Variants in ZNF776 observed in about 807,000 individuals in gnomAD.
ZNF776 encodes the protein zinc finger protein 776.
A neutral mutation model predicts 7.0 loss-of-function variants in ZNF776; 4 were observed. That is an observed-to-expected ratio of 0.57 (90% CI 0.28 to 1.31). The LOEUF (loss-of-function observed/expected upper bound fraction) is 1.31. Among genes scored for constraint, ZNF776 ranks in the 50% most tolerant of loss-of-function variants. The probability of loss-of-function intolerance (pLI) is 0.10; values close to 1 mark genes in which losing one functional copy is unlikely to be tolerated. For synonymous variants in ZNF776, 212 were observed against 213.7 expected (o/e 0.99, Z 0.07); for missense variants, 555 against 625.9 (o/e 0.89, Z 1.21).
chr19:57,753,778 G>GT lies in ZNF776; in HGVS notation c.651dup (p.Ser218Ter). ...ACATCTGTGGAGAGTCCACAATACC[G>GT]TTTAGCAACAAACACTCACTTGTCC... On this transcript the variant is annotated frameshift_variant, in exon 3 of 3. Transcript: ENST00000317178. LOFTEE classifies it low-confidence loss of function (END_TRUNC). 1.2e-6 allele frequency: 2 copies of GT among 1,614,202 alleles called. No individual in the cohort carries two copies. Among genetic ancestry groups the GT allele is most frequent in the Non-Finnish European group, 1.7e-6 (2 of 1,180,052 alleles).
intron 2 of ZNF776, among the ~76,000 whole-genome samples, chr19:57,752,317 G>C (rs1986633077): frequency 6.6e-6 from 1 of 152,148 alleles, no homozygotes; most frequent in Non-Finnish European, 1.5e-5. Context: ...AATTATCTTT[G>C]TAGTATTTAG....
intron 1 of ZNF776, among the ~76,000 whole-genome samples, chr19:57,750,324 C>G (rs1019236682): frequency 6.6e-6 from 1 of 150,956 alleles, no homozygotes; most frequent in Middle Eastern, 3.4e-3. Flanking sequence ...CCCATCTACT[C>G]GGGAGGCTAA....
chr19:57,753,644 G>C lies in ZNF776; in HGVS notation c.514G>C (p.Asp172His). 6.2e-7 allele frequency: 1 copy of C among 1,614,086 alleles called. No homozygotes were observed. Among genetic ancestry groups the C allele is most frequent in the African/African-American group, 1.3e-5 (1 of 75,054 alleles). ...ATTTATCTTTCATGAGGTTGGGAAA[G>C]ACTTTTTGTCCAGCTTGAGATTACT... is the stretch of plus-strand genomic sequence containing the variant. ...EPFIFHEVGK[D>H]FLSSLRLLQQ... is the part of the protein sequence containing the mutation. Residue 172 changes from aspartate (D) to histidine (H), a missense_variant, in exon 3 of 3, where the codon GAC becomes CAC. Physicochemically the swap from Asp to His is moderately conservative, Grantham distance 81. Coordinates refer to ENST00000317178, the MANE Select transcript of ZNF776 (RefSeq NM_173632.4).
At chr19:57,748,073 T>G (rs1414610384) in intron 1 of ZNF776, among the ~76,000 whole-genome samples, 1 of 152,064 alleles carries the variant, frequency 6.6e-6, no homozygotes, top group Non-Finnish European at 1.5e-5. Context: ...CTGGCTGTAG[T>G]CTCCTCTGGC....
At position 57,754,523 on chromosome 19, in the gene ZNF776, T is replaced by G; in HGVS notation, c.1393T>G (p.Cys465Gly). The G allele has an allele frequency of 1.2e-6, 2 of 1,614,142 alleles. No homozygotes were observed. The highest frequency in any genetic ancestry group is 1.7e-6 in the Non-Finnish European group (2 of 1,180,042). Reference protein sequence around the residue: ...SGERPHECGECGKCFHQKGSL... With the variant: ...SGERPHECGEGGKCFHQKGSL... ...AGAAAGGCCACATGAGTGTGGAGAA[T>G]GTGGGAAATGTTTTCATCAAAAGGG... is the stretch of plus-strand genomic sequence containing the variant. The change falls in exon 3 of 3, where the codon TGT (cysteine) becomes GGT (glycine). Residue 465 changes from cysteine (C) to glycine (G), a missense_variant. By Grantham distance (159) the Cys-to-Gly change is radical (BLOSUM62 -3). Transcript: ENST00000317178.
chr19:57,747,568 G>T (rs1465997025), intron 1 of ZNF776, among the ~76,000 whole-genome samples: 1 of 152,124 alleles, frequency 6.6e-6, no homozygotes, highest in Non-Finnish European at 1.5e-5. Flanking sequence ...AGATCAGATA[G>T]GTGCTAAGAG....
In ZNF776 at chr19:57,754,779, A is replaced by C; in HGVS notation, c.*92A>C. ...CACTTATGAGTATGGAGAATGTGCA[A>C]AATCATCTAGCCAAAAGGTTGGCCT... On this transcript the variant is annotated 3_prime_UTR_variant, in exon 3 of 3. Coordinates refer to ENST00000317178, the MANE Select transcript of ZNF776 (RefSeq NM_173632.4). 7.4e-7 allele frequency: 1 copy of C among 1,345,360 alleles called. No homozygotes were observed. The highest frequency in any genetic ancestry group is 2.3e-5 in the East Asian group (1 of 42,702). The allele number at this position is 1,345,360 out of a possible 1,614,324, so 83.3% of individuals were successfully genotyped here.
Position 57,753,926 on chromosome 19 carries a change from T to C in ZNF776, c.796T>C (p.Cys266Arg). 1.2e-6 allele frequency: 2 copies of C among 1,614,232 alleles called. No homozygotes were observed. The highest frequency in any genetic ancestry group is 1.7e-6 in the Non-Finnish European group (2 of 1,180,044). ...GVRTGKRPYQ[C>R]GQCDESFWYK... is the part of the protein sequence containing the mutation. ...TCGCACTGGAAAAAGACCTTATCAG[T>C]GTGGACAATGTGATGAATCATTTTG... Residue 266 changes from cysteine to arginine, a missense_variant, in exon 3 of 3, where the codon TGT becomes CGT. Physicochemically the swap from Cys to Arg is radical, Grantham distance 180. Coordinates refer to ENST00000317178, the MANE Select transcript of ZNF776 (RefSeq NM_173632.4).
Position 57,753,991 on chromosome 19 carries a change from T to A in ZNF776, c.861T>A (p.Thr287=). The A allele has an allele frequency of 6.2e-7, 1 of 1,614,246 alleles. No homozygotes were observed. Among genetic ancestry groups the A allele is most frequent in the South Asian group, 1.1e-5 (1 of 91,086 alleles). ...AHLTEHQRVH[T]GERPYECGEC... is the part of the protein sequence containing the mutation. ...TCACTGAACACCAGAGAGTTCACAC[T>A]GGAGAAAGACCTTATGAGTGTGGAG... The change falls in exon 3 of 3, where the codon ACT becomes ACA. Residue 287 remains threonine, a synonymous_variant. Transcript: ENST00000317178.
Position 57,754,582 on chromosome 19 carries a change from A to G in ZNF776, c.1452A>G (p.Gly484=). Reference sequence around the variant, plus strand: ...TTCGACATCAGCAGATTCACTCTGGAGAAAGGCCACATGAGTGTGGAGAAT... The same window carrying G: ...TTCGACATCAGCAGATTCACTCTGGGGAAAGGCCACATGAGTGTGGAGAAT... ...SLIRHQQIHS[G]ERPHECGECG... is the part of the protein sequence containing the mutation. Residue 484 remains glycine (G), a synonymous_variant, in exon 3 of 3, where the codon GGA becomes GGG. Coordinates refer to ENST00000317178, the MANE Select transcript of ZNF776 (RefSeq NM_173632.4). 3 of 1,614,252 alleles carry G rather than the reference A, an allele frequency of 1.9e-6. No homozygotes were observed. Among genetic ancestry groups the G allele is most frequent in the East Asian group, 2.2e-5 (1 of 44,890 alleles).
In ZNF776 at chr19:57,746,901, G is replaced by A; in HGVS notation, c.-158G>A. ...GTGTAGAAGTGACTGAACCCAGAAG[G>A]TGGAGACGAGACGTTGTCCCGACTG... On this transcript the variant is annotated 5_prime_UTR_variant, in exon 1 of 3. In the 5' UTR this introduces an upstream ATG that the reference lacks. Transcript: ENST00000317178. The A allele has an allele frequency of 1.5e-6, 1 of 646,902 alleles. No homozygotes were observed. Among genetic ancestry groups the A allele is most frequent in the Non-Finnish European group, 2.6e-6 (1 of 385,882 alleles). The allele number at this position is 646,902 out of a possible 1,614,324, so 40.1% of individuals were successfully genotyped here.
rs947571343 is a variant in ZNF776 at position 57,754,210 on chromosome 19, G to T, written c.1080G>T (p.Lys360Asn). 2 of 1,613,994 alleles carry T rather than the reference G, an allele frequency of 1.2e-6. No homozygotes were observed. Among genetic ancestry groups the T allele is most frequent in the African/African-American group, 2.7e-5 (2 of 74,916 alleles). ...CGECGKSFNH[K>N]CNLIQHQRVH... ...AATGTGGGAAATCGTTTAATCACAAGTGCAACCTCATTCAGCATCAGCGAG... is the reference window on the plus strand; with the variant it reads ...AATGTGGGAAATCGTTTAATCACAATTGCAACCTCATTCAGCATCAGCGAG... Residue 360 changes from lysine (K) to asparagine (N), a missense_variant, in exon 3 of 3, where the codon AAG (lysine) becomes AAT (asparagine). Coordinates refer to ENST00000317178, the MANE Select transcript of ZNF776 (RefSeq NM_173632.4).
Position 57,753,333 on chromosome 19 carries a change from CCCT to C in ZNF776, c.204_206del (p.Leu69del). On this transcript the variant is annotated inframe_deletion, in exon 3 of 3. Coordinates refer to ENST00000317178, the MANE Select transcript of ZNF776 (RefSeq NM_173632.4). Reference sequence around the variant, plus strand: ...AAAGACGAGACACCTTCTAAGCAGACCCTTTCTATACAACAGGAGTCCCCACTC... The same window carrying C: ...AAAGACGAGACACCTTCTAAGCAGACTTCTATACAACAGGAGTCCCCACTC... 1 of 1,614,050 alleles carries C rather than the reference CCCT, an allele frequency of 6.2e-7. No homozygotes were observed. Among genetic ancestry groups the C allele is most frequent in the Non-Finnish European group, 8.5e-7 (1 of 1,179,976 alleles).
rs188186380 is a variant in ZNF776 at position 57,748,425 on chromosome 19, G to A, written c.33+1334G>A. ...TATGAAGAGTCAGAGACGAATAAGT[G>A]TAGGCATCAAATGGCTATGGACATG... On this transcript the variant is annotated intron_variant, in intron 1 of 2. Coordinates refer to ENST00000317178, the MANE Select transcript of ZNF776 (RefSeq NM_173632.4). Among the ~76,000 whole-genome samples, 43 of 152,326 alleles carry A rather than the reference G, an allele frequency of 2.8e-4. 1 individual carries two copies. The highest frequency in any genetic ancestry group is 2.4e-3 in the Admixed American group (36 of 15,286).
Position 57,754,197 on chromosome 19 carries a change from C to T in ZNF776, c.1067C>T (p.Ser356Leu), listed in dbSNP as rs747151134. Residue 356 changes from serine to leucine, a missense_variant, in exon 3 of 3, where the codon TCG becomes TTG. Physicochemically the swap from Ser to Leu is moderately radical, Grantham distance 145. Coordinates refer to ENST00000317178, the MANE Select transcript of ZNF776 (RefSeq NM_173632.4). The stretch of plus-strand genomic sequence containing the variant: ...TATCAGTGTGGAGAATGTGGGAAAT[C>T]GTTTAATCACAAGTGCAACCTCATT... ...RPYQCGECGK[S>L]FNHKCNLIQH... is the part of the protein sequence containing the mutation. 28 of 1,613,180 alleles carry T rather than the reference C, an allele frequency of 1.7e-5. No homozygotes were observed. Among genetic ancestry groups the T allele is most frequent in the East Asian group, 6.7e-5 (3 of 44,788 alleles).
intron 1 of ZNF776, among the ~76,000 whole-genome samples, chr19:57,750,352 A>G (rs1986563134): frequency 6.6e-6 from 1 of 151,712 alleles, no homozygotes; most frequent in Non-Finnish European, 1.5e-5. Context: ...GAATTACTCG[A>G]GCCCAGTAGA....
At chr19:57,750,964 A>T (rs1986586302) in intron 2 of ZNF776, 53 bp downstream of exon 2, 4 of 1,541,538 alleles carry the variant, frequency 2.6e-6, no homozygotes, top group Non-Finnish European at 3.5e-6. Context: ...GTCTGTCCCC[A>T]TCTTTTTTCC....
At chr19:57,747,215 C>A in intron 1 of ZNF776, 124 bp downstream of exon 1, 1 of 1,038,876 alleles carries the variant, frequency 9.6e-7, no homozygotes, top group Non-Finnish European at 1.4e-6. Flanking sequence ...CTGAGGCGCT[C>A]TCTATGGGCC....
intron 1 of ZNF776, among the ~76,000 whole-genome samples, chr19:57,748,242 C>T (rs1986497894): frequency 6.6e-6 from 1 of 152,118 alleles, no homozygotes. Context: ...ATCTAGGTTT[C>T]CTAATACACA....
Sources: gnomAD v4.1 joint callset for allele counts (sites outside exome capture counted in the v4.1 genomes callset) on GRCh38, gnomAD v4.1.1 for gene constraint, MANE v1.5 for transcripts, NCBI Gene and HGNC (gene_info 2026-07-23, HGNC 2026-07-21) for gene names.